The following ARHGAP22 variants were observed in gnomAD, a reference collection of about 807,000 sequenced individuals.
ARHGAP22 encodes Rho GTPase activating protein 22, also known as rho GTPase-activating protein 22.
In ARHGAP22, 48 loss-of-function variants were observed where a neutral mutation model predicts 59.1. The ratio of observed to expected loss-of-function variants is 0.81; its 90% CI spans 0.64 to 1.03. The LOEUF is 1.03. Among genes scored for constraint, ARHGAP22 ranks in the 50% least tolerant of loss-of-function variants. ARHGAP22 has a pLI of 0.00. For synonymous variants in ARHGAP22, 445 were observed against 416.4 expected, an observed-to-expected ratio of 1.07 and a Z score of -0.84; for missense variants, 1,015 against 958.7, an observed-to-expected ratio of 1.06 and a Z score of -0.78.
Position 48,611,803 on chromosome 10 carries a change from C to T in ARHGAP22, c.53-28651G>A, listed in dbSNP as rs75374465. On this transcript the variant is annotated intron_variant, in intron 1 of 9. Transcript: ENST00000435790. ...CTCCTGCTCCTTTCCCTTCCCTTCC[C>T]TTCTCTTCCCTTCCCTTCCCTTCCC... is the stretch of plus-strand genomic sequence containing the variant. 8.8e-3 allele frequency among the ~76,000 whole-genome samples: 1,087 copies of T among 122,840 alleles called. 21 individuals carry two copies. Among genetic ancestry groups the T allele is most frequent in the African/African-American group, 0.036 (1,041 of 29,000 alleles). The allele number at this position is 122,840 out of a possible 152,430, so 80.6% of individuals were successfully genotyped here.
At chr10:48,434,367 A>G in the ARHGAP22 span, among the ~76,000 whole-genome samples, 1 of 152,178 alleles carries the variant, frequency 6.6e-6, no homozygotes, top group South Asian at 2.1e-4. Flanking sequence ...CATTTGCTTT[A>G]AAACAAGATG....
chr10:48,601,121 T>G (rs1436479627), intron 1 of ARHGAP22, among the ~76,000 whole-genome samples: 1 of 152,158 alleles, frequency 6.6e-6, no homozygotes, highest in African/African-American at 2.4e-5. Flanking sequence ...ATGAAGGTGG[T>G]GAGAGTCATA....
At chr10:48,642,973 C>A (rs914066095) in intron 1 of ARHGAP22, among the ~76,000 whole-genome samples, 1 of 152,158 alleles carries the variant, frequency 6.6e-6, no homozygotes, top group African/African-American at 2.4e-5. Context: ...ATGCAGCCAA[C>A]AGACACATGA....
chr10:48,487,647 T>C (rs1428590589), intron 3 of ARHGAP22, among the ~76,000 whole-genome samples: 1 of 152,152 alleles, frequency 6.6e-6, no homozygotes, highest in Non-Finnish European at 1.5e-5. Context: ...CCTCAGACCC[T>C]CCATAACGGA....
rs1564859657 is a variant in ARHGAP22 at position 48,549,083 on chromosome 10, T to C, written c.322+6380A>G. Among the ~76,000 whole-genome samples, 5 of 152,346 alleles carry C rather than the reference T, an allele frequency of 3.3e-5. No individual in the cohort carries two copies. The South Asian group carries it at 1.0e-3, about 32-fold the overall frequency. On this transcript the variant is annotated intron_variant, in intron 3 of 9. Transcript: ENST00000249601. Reference sequence around the variant, plus strand: ...ACGTGGTGTGCTCAGCTTCATTCCTTAGAAGGAACTCAGTGAATGTTTAGC... The same window carrying C: ...ACGTGGTGTGCTCAGCTTCATTCCTCAGAAGGAACTCAGTGAATGTTTAGC...
At chr10:48,435,025 G>C in the ARHGAP22 span, 1 of 979,290 alleles carries the variant, frequency 1.0e-6, no homozygotes, top group Non-Finnish European at 1.5e-6. Flanking sequence ...GGCTGCTGTA[G>C]ATGACTACTT....
intron 3 of ARHGAP22, among the ~76,000 whole-genome samples, chr10:48,518,185 G>A (rs1158532837): frequency 2.6e-5 from 4 of 152,142 alleles, no homozygotes; most frequent in Non-Finnish European, 5.9e-5. Context: ...CCCGCAGGAC[G>A]GCAAGGCTCG....
intron 1 of ARHGAP22, among the ~76,000 whole-genome samples, chr10:48,637,135 G>C (rs989240339): frequency 6.6e-6 from 1 of 152,240 alleles, no homozygotes; most frequent in African/African-American, 2.4e-5. Flanking sequence ...CAGGCCTCTA[G>C]ATGAATGCCA....
chr10:48,590,072 G>T (rs148609424), intron 1 of ARHGAP22, among the ~76,000 whole-genome samples: 351 of 152,148 alleles, frequency 2.3e-3, no homozygotes, highest in African/African-American at 7.8e-3. Flanking sequence ...AGTTAAGGTC[G>T]CAGTGTCATG....
At position 48,478,441 on chromosome 10, in the gene ARHGAP22, G is replaced by A. The variant is rs935169434; in HGVS notation, c.451+1195C>T. Reference sequence around the variant, plus strand: ...GAGAGGAGAGTGGGCAAACAGAGGAGCAAAGGAAGGGGCTCAGCCCATGTG... The same window carrying A: ...GAGAGGAGAGTGGGCAAACAGAGGAACAAAGGAAGGGGCTCAGCCCATGTG... On this transcript the variant is annotated intron_variant, in intron 4 of 9. Transcript: ENST00000249601. Among the ~76,000 whole-genome samples the A allele has an allele frequency of 3.9e-5, 6 of 152,216 alleles. No homozygotes were observed. In the South Asian group the frequency reaches 8.3e-4, roughly 21 times the overall value.
intron 3 of ARHGAP22, among the ~76,000 whole-genome samples, chr10:48,490,341 G>A (rs2050266355): frequency 6.6e-6 from 1 of 152,118 alleles, no homozygotes; most frequent in Non-Finnish European, 1.5e-5. Context: ...GGGGTGTGGA[G>A]GCCTGTCCTG....
intron 2 of ARHGAP22, among the ~76,000 whole-genome samples, chr10:48,570,251 C>T (rs543486605): frequency 4.1e-4 from 63 of 152,318 alleles, no homozygotes; most frequent in African/African-American, 1.4e-3. Flanking sequence ...AAAAAAGCCA[C>T]AAAGTCTCAC....
At chr10:48,467,758 C>T (rs2047860800) in intron 4 of ARHGAP22, among the ~76,000 whole-genome samples, 1 of 152,168 alleles carries the variant, frequency 6.6e-6, no homozygotes, top group Admixed American at 6.5e-5. Flanking sequence ...CTGGGTTGAG[C>T]TAAGCCTGAG....
chr10:48,587,281 G>A (rs2059486411), intron 1 of ARHGAP22, among the ~76,000 whole-genome samples: 1 of 152,222 alleles, frequency 6.6e-6, no homozygotes, highest in Admixed American at 6.5e-5. Context: ...GGCTGCATCA[G>A]GCCCTGGGAG....
chr10:48,481,211 C>T (rs2049285413), intron 3 of ARHGAP22, among the ~76,000 whole-genome samples: 1 of 152,244 alleles, frequency 6.6e-6, no homozygotes, highest in Non-Finnish European at 1.5e-5. Context: ...GGTGTGGTCA[C>T]TCACAGGACT....
intron 7 of ARHGAP22, among the ~76,000 whole-genome samples, 158 bp downstream of exon 7, chr10:48,453,930 T>C (rs529394243): frequency 6.6e-6 from 1 of 152,280 alleles, no homozygotes; most frequent in South Asian, 2.1e-4. Flanking sequence ...TCTGTGCTTT[T>C]CCACTCCCTG....
At chr10:48,617,095 A>G (rs1348073782) in intron 1 of ARHGAP22, among the ~76,000 whole-genome samples, 1 of 126,490 alleles carries the variant, frequency 7.9e-6, no homozygotes, top group Non-Finnish European at 1.6e-5. Context: ...ATAGAAAAAA[A>G]GTTTTGTAAT....
Position 48,520,851 on chromosome 10 carries a change from G to T in ARHGAP22, c.322+34612C>A, listed in dbSNP as rs567819355. On this transcript the variant is annotated intron_variant, in intron 3 of 9. Transcript: ENST00000249601. ...GGTGGCAGAGAATGAGCACGTGTCA[G>T]GATCTAAGGGCCTACCAGTCCGCTC... 1.7e-3 allele frequency among the ~76,000 whole-genome samples: 257 copies of T among 152,272 alleles called. 2 individuals are homozygous for T. Among genetic ancestry groups the T allele is most frequent in the African/African-American group, 5.9e-3 (246 of 41,532 alleles).
chr10:48,548,173 G>T (rs554431733), intron 3 of ARHGAP22, among the ~76,000 whole-genome samples: 1 of 152,088 alleles, frequency 6.6e-6, no homozygotes, highest in Non-Finnish European at 1.5e-5. Context: ...AGTACCACCC[G>T]CTCGCCCCTC....
Sources: gnomAD v4.1 joint callset for allele counts (sites outside exome capture counted in the v4.1 genomes callset) on GRCh38, gnomAD v4.1.1 for gene constraint, MANE v1.5 for transcripts, NCBI Gene and HGNC (gene_info 2026-07-23, HGNC 2026-07-21) for gene names.